SSBP2: variants seen among roughly 807,000 people sequenced by gnomAD.
SSBP2 encodes the protein single stranded DNA binding protein 2, also known as single-stranded DNA-binding protein 2.
SSBP2 carries 17 observed loss-of-function variants against 61.8 expected under a neutral mutation model. The ratio of observed to expected loss-of-function variants is 0.28; its 90% CI spans 0.19 to 0.41. The LOEUF is 0.41. SSBP2 is among the 10% of genes least tolerant of loss of function. The pLI is 1.00. For synonymous variants in SSBP2, 139 were observed against 141.3 expected (o/e 0.98, Z 0.12); for missense variants, 310 against 458.7 (o/e 0.68, Z 2.96).
intron 4 of SSBP2, among the ~76,000 whole-genome samples, chr5:81,588,746 C>G (rs368452453): frequency 6.6e-6 from 1 of 152,112 alleles, no homozygotes; most frequent in Non-Finnish European, 1.5e-5. Context: ...AAATGAGATA[C>G]GCTTTTTGGA....
rs536049110 is a variant in SSBP2, at chr5:81,719,716, G to C, written c.62+31265C>G. ...ACAGGTCCATATGGGAAGGCACCAG[G>C]GTCAGTCAGGAGGCAGAAGGAGACA... On this transcript the variant is annotated intron_variant, in intron 1 of 16. Coordinates refer to ENST00000320672, the MANE Select transcript of SSBP2 (RefSeq NM_012446.5). 8.5e-5 allele frequency among the ~76,000 whole-genome samples: 13 copies of C among 152,306 alleles called. No individual in the cohort carries two copies. In the South Asian group the frequency reaches 1.7e-3, roughly 19 times the overall value.
intron 1 of SSBP2, among the ~76,000 whole-genome samples, chr5:81,673,364 AAGAAT>A (rs1295183226): frequency 6.6e-6 from 1 of 152,186 alleles, no homozygotes; most frequent in Non-Finnish European, 1.5e-5. Flanking sequence ...AGGATCCCAA[AAGAAT>A]AGGGAACTCT....
At chr5:81,654,341 A>G (rs1315580233) in intron 1 of SSBP2, among the ~76,000 whole-genome samples, 1 of 152,172 alleles carries the variant, frequency 6.6e-6, no homozygotes, top group Non-Finnish European at 1.5e-5. Flanking sequence ...ATCTGTTTTC[A>G]TAGTACCTTT....
chr5:81,531,313 T>C (rs1263812764), intron 4 of SSBP2, among the ~76,000 whole-genome samples: 1 of 151,072 alleles, frequency 6.6e-6, no homozygotes, highest in Non-Finnish European at 1.5e-5. Context: ...TGATCAAAAA[T>C]TTTTACAGAG....
chr5:81,627,030 C>T (rs576372797), intron 3 of SSBP2, among the ~76,000 whole-genome samples: 49 of 152,122 alleles, frequency 3.2e-4, no homozygotes, highest in Middle Eastern at 3.4e-3. Context: ...AGATGACATA[C>T]GCAAAAGTAA....
In SSBP2 at chr5:81,416,603, T is replaced by G. The variant is rs1224407336; in HGVS notation, c.*3901A>C. The G allele has an allele frequency of 6.6e-6, 1 of 152,128 alleles. No individual in the cohort carries two copies. The highest frequency in any genetic ancestry group is 6.5e-5 in the Admixed American group (1 of 15,282). The allele number at this position is 152,128 out of a possible 1,614,324, so 9.4% of individuals were successfully genotyped here. A position where few individuals can be genotyped will look rare whatever the true frequency, so the allele number is the denominator to read the frequency against. ...TTGCTATACATTCCTAGGGACAATA[T>G]GATGAAGAAAAGATATAGACAGATG... On this transcript the variant is annotated 3_prime_UTR_variant, in exon 17 of 17. Transcript: ENST00000320672.
intron 1 of SSBP2, among the ~76,000 whole-genome samples, chr5:81,696,839 A>G (rs1372940204): frequency 6.6e-6 from 1 of 152,222 alleles, no homozygotes; most frequent in African/African-American, 2.4e-5. Flanking sequence ...ACTGCTACGG[A>G]GCAGGAACCT....
intron 2 of SSBP2, among the ~76,000 whole-genome samples, chr5:81,644,100 A>C (rs955954237): frequency 7.2e-5 from 11 of 152,182 alleles, no homozygotes; most frequent in Admixed American, 2.6e-4. Flanking sequence ...AAAGCTCATA[A>C]TAGTCACACA....
chr5:81,535,444 T>G (rs890459395), intron 4 of SSBP2, among the ~76,000 whole-genome samples: 4 of 152,060 alleles, frequency 2.6e-5, no homozygotes, highest in African/African-American at 9.7e-5. Context: ...TTGTAAAGTT[T>G]ATATGAATAG....
intron 4 of SSBP2, among the ~76,000 whole-genome samples, chr5:81,588,796 G>A (rs1775271272): frequency 6.6e-6 from 1 of 152,186 alleles, no homozygotes; most frequent in South Asian, 2.1e-4. Context: ...CCGTGCAGTG[G>A]TCCATACCTA....
chr5:81,694,059 T>A (rs949294455), intron 1 of SSBP2, among the ~76,000 whole-genome samples: 1 of 152,146 alleles, frequency 6.6e-6, no homozygotes, highest in Non-Finnish European at 1.5e-5. Context: ...TTATGTTAAG[T>A]GAAATAAGCC....
At chr5:81,613,539 C>T (rs1284074225) in intron 4 of SSBP2, among the ~76,000 whole-genome samples, 1 of 152,132 alleles carries the variant, frequency 6.6e-6, no homozygotes, top group East Asian at 1.9e-4. Context: ...TTCACTTTTC[C>T]CCTTAAGATC....
chr5:81,736,324 A>G (rs368246147), intron 1 of SSBP2, among the ~76,000 whole-genome samples: 51 of 152,338 alleles, frequency 3.3e-4, no homozygotes, highest in African/African-American at 1.2e-3. Context: ...ACTGCCTTAT[A>G]CAGTGCCTGG....
chr5:81,432,330 A>AT (rs1421586165), intron 15 of SSBP2, among the ~76,000 whole-genome samples: 2 of 152,110 alleles, frequency 1.3e-5, no homozygotes, highest in Non-Finnish European at 2.9e-5. Flanking sequence ...TTTCTTGGTA[A>AT]TTTATTAAAC....
At chr5:81,481,631 AAAAC>A (rs1561452023) in intron 6 of SSBP2, among the ~76,000 whole-genome samples, 1 of 150,120 alleles carries the variant, frequency 6.7e-6, no homozygotes, top group Non-Finnish European at 1.5e-5. Flanking sequence ...AAAAAAAAAA[AAAAC>A]AAACTGAAAG....
At chr5:81,582,046 C>T (rs997500281) in intron 4 of SSBP2, among the ~76,000 whole-genome samples, 4 of 152,088 alleles carry the variant, frequency 2.6e-5, no homozygotes, top group African/African-American at 2.4e-5. Context: ...CAAACTGAGC[C>T]TTAAAGTAAA....
At chr5:81,609,763 C>A (rs1365916371) in intron 4 of SSBP2, among the ~76,000 whole-genome samples, 1 of 152,194 alleles carries the variant, frequency 6.6e-6, no homozygotes. Flanking sequence ...ATTTTACATA[C>A]ACCTACCCTT....
At chr5:81,704,057 C>T (rs974007609) in intron 1 of SSBP2, among the ~76,000 whole-genome samples, 1 of 152,190 alleles carries the variant, frequency 6.6e-6, no homozygotes, top group African/African-American at 2.4e-5. Flanking sequence ...GTGGAACAGT[C>T]ACATCATCAT....
At chr5:81,561,987 C>T (rs1292409084) in intron 4 of SSBP2, among the ~76,000 whole-genome samples, 1 of 152,188 alleles carries the variant, frequency 6.6e-6, no homozygotes, top group African/African-American at 2.4e-5. Flanking sequence ...TCACTGCAAC[C>T]TCCATCTCCC....
Sources: allele counts gnomAD v4.1 joint callset (sites outside exome capture counted in the v4.1 genomes callset), GRCh38; gene constraint gnomAD v4.1.1; transcripts MANE v1.5; gene names NCBI Gene and HGNC (gene_info 2026-07-23, HGNC 2026-07-21).